Variants in DCC observed in about 807,000 individuals in gnomAD.
DCC encodes DCC netrin 1 receptor.
In DCC, 58 loss-of-function variants were observed where a neutral mutation model predicts 172.5. The observed-to-expected ratio is 0.34, with a 90% CI of 0.27 to 0.42. The LOEUF (loss-of-function observed/expected upper bound fraction) is 0.42, where lower values mean the gene tolerates loss of function less well. DCC is among the 10% of genes least tolerant of loss of function. The pLI is 1.00. For synonymous variants in DCC, 709 were observed against 644.5 expected, an observed-to-expected ratio of 1.10 and a Z score of -1.52; for missense variants, 1,740 against 1,791.0, an observed-to-expected ratio of 0.97 and a Z score of 0.51.
chr18:52,403,335 C>T (rs1005437215), intron 1 of DCC, among the ~76,000 whole-genome samples: 1 of 151,996 alleles, frequency 6.6e-6, no homozygotes, highest in Non-Finnish European at 1.5e-5. Flanking sequence ...GAAAGCTGAA[C>T]AGCCCTTGAT....
chr18:53,440,465 AAAG>A (rs1411779743), intron 22 of DCC, among the ~76,000 whole-genome samples: 1 of 151,826 alleles, frequency 6.6e-6, no homozygotes, highest in Non-Finnish European at 1.5e-5. Context: ...ATTTGTCAGA[AAAG>A]AAGCAGTTTG....
At position 53,141,583 on chromosome 18, in the gene DCC, C is replaced by T. The variant is rs114129983; in HGVS notation, c.1262-15773C>T. ...TTTTACCCTGGACTAGCATGAGGAG[C>T]GAACTATGATGTGTAAGATTTTGGA... On this transcript the variant is annotated intron_variant, in intron 7 of 28. Coordinates refer to ENST00000442544, the MANE Select transcript of DCC (RefSeq NM_005215.4). 4.6e-5 allele frequency among the ~76,000 whole-genome samples: 7 copies of T among 152,224 alleles called. 1 individual carries two copies. The South Asian group carries it at 6.2e-4, about 14-fold the overall frequency.
chr18:53,005,457 AG>A (rs2041630169), intron 5 of DCC, among the ~76,000 whole-genome samples: 1 of 152,152 alleles, frequency 6.6e-6, no homozygotes, highest in African/African-American at 2.4e-5. Context: ...CTTGTCGCTG[AG>A]CATGGTGGCT....
intron 1 of DCC, among the ~76,000 whole-genome samples, chr18:52,610,572 C>G (rs1167953871): frequency 6.6e-6 from 1 of 151,690 alleles, no homozygotes; most frequent in East Asian, 1.9e-4. Context: ...GAAAAATATA[C>G]AGCAGAACAA....
At chr18:53,131,889 G>T (rs2144321522) in intron 7 of DCC, among the ~76,000 whole-genome samples, 1 of 146,974 alleles carries the variant, frequency 6.8e-6, no homozygotes, top group South Asian at 2.2e-4. Flanking sequence ...AAATCAAAAT[G>T]GATGATTTAA....
intron 2 of DCC, among the ~76,000 whole-genome samples, chr18:52,835,057 G>A (rs139039495): frequency 2.4e-4 from 37 of 152,202 alleles, no homozygotes; most frequent in African/African-American, 8.2e-4. Context: ...TGTTTTCATA[G>A]GCAAACAGCT....
At chr18:52,387,743 G>A (rs1400656442) in intron 1 of DCC, among the ~76,000 whole-genome samples, 1 of 151,878 alleles carries the variant, frequency 6.6e-6, no homozygotes, top group Non-Finnish European at 1.5e-5. Flanking sequence ...ATTGTTTGAG[G>A]CCTATTGCAA....
At chr18:52,894,456 T>G (rs962231089) in intron 2 of DCC, among the ~76,000 whole-genome samples, 1 of 150,066 alleles carries the variant, frequency 6.7e-6, no homozygotes, top group Non-Finnish European at 1.5e-5. Flanking sequence ...TTATATTATT[T>G]TTATATATTA....
chr18:52,823,562 CTAT>C (rs2038449425), intron 2 of DCC, among the ~76,000 whole-genome samples: 1 of 151,090 alleles, frequency 6.6e-6, no homozygotes, highest in South Asian at 2.1e-4. Flanking sequence ...AGGCTACCTG[CTAT>C]TTTACTTACT....
chr18:52,582,372 A>C (rs752383031), intron 1 of DCC, among the ~76,000 whole-genome samples: 37 of 152,304 alleles, frequency 2.4e-4, no homozygotes, highest in Non-Finnish European at 4.6e-4. Flanking sequence ...GCTGATGTAA[A>C]AAGTAGTTGA....
At chr18:52,928,968 G>A (rs1311268168) in intron 5 of DCC, among the ~76,000 whole-genome samples, 1 of 152,026 alleles carries the variant, frequency 6.6e-6, no homozygotes, top group Non-Finnish European at 1.5e-5. Flanking sequence ...GTTCCCAAGA[G>A]AGAATTGTAG....
intron 15 of DCC, among the ~76,000 whole-genome samples, chr18:53,352,053 A>C (rs2057818826): frequency 6.6e-6 from 1 of 152,060 alleles, no homozygotes; most frequent in African/African-American, 2.4e-5. Context: ...GCCTGGTATC[A>C]AATCAAAATC....
At chr18:52,869,091 A>G (rs1445694297) in intron 2 of DCC, among the ~76,000 whole-genome samples, 1 of 152,214 alleles carries the variant, frequency 6.6e-6, no homozygotes, top group Non-Finnish European at 1.5e-5. Flanking sequence ...GCTCTTCTCT[A>G]CTTCCCTTTG....
chr18:52,603,477 A>G (rs527411990), intron 1 of DCC, among the ~76,000 whole-genome samples: 1 of 152,162 alleles, frequency 6.6e-6, no homozygotes, highest in Non-Finnish European at 1.5e-5. Context: ...CTAGGTAGAA[A>G]GTAAATTTCA....
Position 53,387,022 on chromosome 18 carries a change from T to A in DCC, c.2455+884T>A, listed in dbSNP as rs184268310. On this transcript the variant is annotated intron_variant, in intron 16 of 28. Transcript: ENST00000442544. The stretch of plus-strand genomic sequence containing the variant: ...CATTGAATCTGCCCCCTCACACCCT[T>A]CGGACGTCGTTTAACTTGTCAGATA... Among the ~76,000 whole-genome samples, 3 of 152,318 alleles carry A rather than the reference T, an allele frequency of 2.0e-5. No homozygotes were observed. The East Asian group carries it at 5.8e-4, about 29-fold the overall frequency.
At chr18:52,738,918 AG>A (rs1268767747) in intron 1 of DCC, among the ~76,000 whole-genome samples, 1 of 147,830 alleles carries the variant, frequency 6.8e-6, no homozygotes, top group African/African-American at 2.5e-5. Context: ...AAAAAAAAAA[AG>A]AATGTTTTTG....
intron 3 of DCC, among the ~76,000 whole-genome samples, chr18:52,920,020 C>CAAAA (rs373883714): frequency 6.0e-5 from 6 of 100,166 alleles, no homozygotes; most frequent in Admixed American, 1.2e-4. Context: ...TGTCCATATA[C>CAAAA]AAAAAAAAAA....
chr18:53,413,347 C>T (rs1910103419), intron 20 of DCC, among the ~76,000 whole-genome samples: 1 of 152,036 alleles, frequency 6.6e-6, no homozygotes, highest in Non-Finnish European at 1.5e-5. Flanking sequence ...AAGTTCTAGT[C>T]GTCAAATTCT....
chr18:52,416,610 C>T (rs956154900), intron 1 of DCC, among the ~76,000 whole-genome samples: 11 of 151,276 alleles, frequency 7.3e-5, no homozygotes, highest in Admixed American at 4.0e-4. Flanking sequence ...TTGAATTGAT[C>T]CCTTTAGCAT....
Sources: allele counts gnomAD v4.1 joint callset (sites outside exome capture counted in the v4.1 genomes callset), GRCh38; gene constraint gnomAD v4.1.1; transcripts MANE v1.5; gene names NCBI Gene and HGNC (gene_info 2026-07-23, HGNC 2026-07-21).